CARMIL2: variants seen among roughly 807,000 people sequenced by gnomAD.
CARMIL2 encodes capping protein, Arp2/3 and myosin-I linker protein 2.
CARMIL2 carries 96 observed loss-of-function variants against 173.3 expected under a neutral mutation model. That is an observed-to-expected ratio of 0.55 (90% confidence interval 0.47 to 0.66). CARMIL2 has a LOEUF of 0.66. Among genes scored for constraint, CARMIL2 ranks in the 30% least tolerant of loss-of-function variants. The pLI is 0.00. For missense variants in CARMIL2, 1,771 were observed against 1,906.7 expected (o/e 0.93, Z 1.33); for synonymous variants, 830 against 817.1 (o/e 1.02, Z -0.27).
At position 67,649,748 on chromosome 16, in the gene CARMIL2, G is replaced by A; in HGVS notation, c.1920-58G>A. The A allele has an allele frequency of 6.3e-7, 1 of 1,586,666 alleles. No homozygotes were observed. The highest frequency in any genetic ancestry group is 8.6e-7 in the Non-Finnish European group (1 of 1,165,112). ...GCTGACGAGGCGAATGGACTAGGCC[G>A]AGGGTTGGGTGGGGCGTTGGGAAGC... On this transcript the variant is annotated intron_variant, in intron 20 of 37. Transcript: ENST00000334583. This position sits in a 1 kb window ranked among gnomAD's most constrained non-coding sequence, Gnocchi z 6.7.
chr16:67,647,867 C>T lies in CARMIL2; in HGVS notation c.980C>T (p.Ala327Val). The part of the protein sequence containing the change: ...TPRGMRALGR[A>V]LATNAAFDST... The stretch of plus-strand genomic sequence containing the variant: ...CCAGGAATGAGGGCTCTGGGCCGGG[C>T]ACTGGCCACCAATGCCGCCTTCGAC... The change falls in exon 13 of 38, where the codon GCA becomes GTA. Residue 327 changes from alanine to valine, a missense_variant. By Grantham distance (64) the Ala-to-Val change is moderately conservative. Transcript: ENST00000334583. 3 of 1,610,132 alleles carry T rather than the reference C, an allele frequency of 1.9e-6. No individual in the cohort carries two copies. The highest frequency in any genetic ancestry group is 1.7e-4 in the Middle Eastern group (1 of 6,010).
Position 67,653,139 on chromosome 16 carries a change from G to T in CARMIL2, c.3005G>T (p.Gly1002Val). The T allele has an allele frequency of 9.0e-7, 1 of 1,113,342 alleles. No homozygotes were observed. Among genetic ancestry groups the T allele is most frequent in the Non-Finnish European group, 1.1e-6 (1 of 912,586 alleles). 69.0% of individuals were successfully genotyped at this position (1,113,342 alleles called of 1,614,324 possible). The change falls in exon 29 of 38, where the codon GGC (glycine) becomes GTC (valine). Residue 1002 changes from glycine to valine, a missense_variant. Around this residue, in one of 3 missense-constraint regions of CARMIL2, gnomAD observed 817 missense variants for 903.5 expected, o/e 0.90. Transcript: ENST00000334583. This position sits in a 1 kb window ranked among gnomAD's most constrained non-coding sequence, Gnocchi z 7.4. The part of the protein sequence containing the change: ...PSPAAPGPPA[G>V]PLPRMDLPLA... ...CCTGCCGCCCCTGGGCCCCCGGCCG[G>T]CCCGCTGCCCCGCATGGACCTGCCA...
chr16:67,654,150 T>G lies in CARMIL2; in HGVS notation c.3122T>G (p.Val1041Gly), dbSNP rs1305055603. 6.5e-7 allele frequency: 1 copy of G among 1,535,198 alleles called. No individual in the cohort carries two copies. The highest frequency in any genetic ancestry group is 8.8e-7 in the Non-Finnish European group (1 of 1,142,164). ...HHRPPPGGPQVPPALPQEGNG... is the reference protein window; with the variant it reads ...HHRPPPGGPQGPPALPQEGNG... ...CCCTGACCCCATGATGCCCCCCAGG[T>G]ACCCCCAGCCTTGCCGCAGGAAGGG... Residue 1041 changes from valine to glycine, a missense_variant and splice_region_variant, in exon 30 of 38, where the codon GTA (valine) becomes GGA (glycine). Val to Gly is a moderately radical substitution (Grantham distance 109). Coordinates refer to ENST00000334583, the MANE Select transcript of CARMIL2 (RefSeq NM_001013838.3).
rs1020732695 is a variant in CARMIL2, at chr16:67,657,153, T to C, written c.4118-86T>C. The C allele has an allele frequency of 3.4e-6, 4 of 1,193,336 alleles. No individual in the cohort carries two copies. The highest frequency in any genetic ancestry group is 4.9e-6 in the Non-Finnish European group (4 of 819,620). 73.9% of individuals were successfully genotyped at this position (1,193,336 alleles called of 1,614,324 possible). A position where few individuals can be genotyped will look rare whatever the true frequency, so the allele number is the denominator to read the frequency against. The stretch of plus-strand genomic sequence containing the variant: ...AGCAGTGTGTGTGAGTGCATGCTTA[T>C]GTGCACTGGAGGTGGAAGAGAGGGG... On this transcript the variant is annotated intron_variant, in intron 36 of 37. Coordinates refer to ENST00000334583, the MANE Select transcript of CARMIL2 (RefSeq NM_001013838.3). This position sits in a 1 kb window ranked among gnomAD's most constrained non-coding sequence, Gnocchi z 4.5.
chr16:67,647,533 G>T lies in CARMIL2; in HGVS notation c.802G>T (p.Ala268Ser). The stretch of plus-strand genomic sequence containing the variant: ...AGACTTTGTCCGACGACTGGCCCAG[G>T]CGCTGGCGGGACACTCAAGCTCTGG... ...RGDFVRRLAQ[A>S]LAGHSSSGLR... The change falls in exon 11 of 38, where the codon GCG (alanine) becomes TCG (serine). Residue 268 changes from alanine (A) to serine (S), a missense_variant. Transcript: ENST00000334583. The T allele has an allele frequency of 6.2e-7, 1 of 1,609,184 alleles. No homozygotes were observed. Among genetic ancestry groups the T allele is most frequent in the South Asian group, 1.1e-5 (1 of 90,146 alleles).
chr16:67,657,324 G>A lies in CARMIL2; in HGVS notation c.4195+8G>A. 6.2e-7 allele frequency: 1 copy of A among 1,613,364 alleles called. No homozygotes were observed. The highest frequency in any genetic ancestry group is 1.1e-5 in the South Asian group (1 of 90,992). ...CTCCATCCCCAAGCCTAGGTAAGAG[G>A]GGGTCCAGGCCAGCTGGGAGGGTGG... On this transcript the variant is annotated splice_region_variant and intron_variant, in intron 37 of 37. Coordinates refer to ENST00000334583, the MANE Select transcript of CARMIL2 (RefSeq NM_001013838.3). This position sits in a 1 kb window ranked among gnomAD's most constrained non-coding sequence, Gnocchi z 4.5.
In CARMIL2 at chr16:67,651,237, C is replaced by T; in HGVS notation, c.2235C>T (p.Gly745=). The T allele has an allele frequency of 6.2e-7, 1 of 1,613,600 alleles. No homozygotes were observed. Among genetic ancestry groups the T allele is most frequent in the Non-Finnish European group, 8.5e-7 (1 of 1,179,850 alleles). ...TGCAGGAGCATGTGGAGCTGCTGGGCTGTGGGGCTGGGCCCCAGGGTGAAG... is the reference window on the plus strand; with the variant it reads ...TGCAGGAGCATGTGGAGCTGCTGGGTTGTGGGGCTGGGCCCCAGGGTGAAG... The part of the protein sequence containing the change: ...QSVQEHVELL[G]CGAGPQGEAA... Residue 745 remains glycine, a synonymous_variant, in exon 23 of 38, where the codon GGC becomes GGT. Transcript: ENST00000334583. The surrounding 1 kb of genome is among the most constrained non-coding windows in gnomAD (Gnocchi z 4.2).
chr16:67,648,929 G>C lies in CARMIL2; in HGVS notation c.1546G>C (p.Val516Leu), dbSNP rs762056084. ...CGGCGCCCAGGTGATACAAGACTTA[G>C]TGTGCGACGCAGGCGCTGTGAGCTC... The part of the protein sequence containing the change: ...SAGAQVIQDL[V>L]CDAGAVSSLD... The change falls in exon 17 of 38, where the codon GTG becomes CTG. Residue 516 changes from valine (V) to leucine (L), a missense_variant. Coordinates refer to ENST00000334583, the MANE Select transcript of CARMIL2 (RefSeq NM_001013838.3). The surrounding 1 kb of genome is among the most constrained non-coding windows in gnomAD (Gnocchi z 6.1). 1 of 1,609,592 alleles carries C rather than the reference G, an allele frequency of 6.2e-7. No homozygotes were observed. The highest frequency in any genetic ancestry group is 8.5e-7 in the Non-Finnish European group (1 of 1,178,314).
In CARMIL2 at chr16:67,646,522, G is replaced by A; in HGVS notation, c.466+5G>A. 6.2e-7 allele frequency: 1 copy of A among 1,612,400 alleles called. No homozygotes were observed. Among genetic ancestry groups the A allele is most frequent in the Non-Finnish European group, 8.5e-7 (1 of 1,179,374 alleles). On this transcript the variant is annotated splice_donor_5th_base_variant and intron_variant, in intron 6 of 37. Coordinates refer to ENST00000334583, the MANE Select transcript of CARMIL2 (RefSeq NM_001013838.3). This position sits in a 1 kb window ranked among gnomAD's most constrained non-coding sequence, Gnocchi z 4.6. ...CTGACCCCTGCAGCCCCTGTGGTAA[G>A]GGTGAAGGCAGAGCCACAGGCCTTC...
In CARMIL2 at chr16:67,646,601, T is replaced by C. The variant is rs2052598658; in HGVS notation, c.466+84T>C. 2 of 1,572,326 alleles carry C rather than the reference T, an allele frequency of 1.3e-6. No individual in the cohort carries two copies. The highest frequency in any genetic ancestry group is 1.7e-6 in the Non-Finnish European group (2 of 1,145,070). ...CCCGCAAGCTGGGGGGGCCCCAAAC[T>C]GAACAGAGCCATTCAGGTCCCAGCC... is the stretch of plus-strand genomic sequence containing the variant. On this transcript the variant is annotated intron_variant, in intron 6 of 37. Coordinates refer to ENST00000334583, the MANE Select transcript of CARMIL2 (RefSeq NM_001013838.3). The surrounding 1 kb of genome is among the most constrained non-coding windows in gnomAD (Gnocchi z 4.6).
chr16:67,646,160 G>T lies in CARMIL2; in HGVS notation c.250-26G>T. 1 of 1,613,730 alleles carries T rather than the reference G, an allele frequency of 6.2e-7. No homozygotes were observed. The highest frequency in any genetic ancestry group is 8.5e-7 in the Non-Finnish European group (1 of 1,179,808). The stretch of plus-strand genomic sequence containing the variant: ...ATCACCTGCGCCCATGTGTGGAGCC[G>T]AGGCCTAGTAGTGCCCCTTCCCTAG... On this transcript the variant is annotated intron_variant, in intron 4 of 37. Coordinates refer to ENST00000334583, the MANE Select transcript of CARMIL2 (RefSeq NM_001013838.3). The surrounding 1 kb of genome is among the most constrained non-coding windows in gnomAD (Gnocchi z 4.6).
Position 67,649,731 on chromosome 16 carries a change from G to C in CARMIL2, c.1920-75G>C. The C allele has an allele frequency of 1.3e-6, 2 of 1,573,930 alleles. No individual in the cohort carries two copies. Among genetic ancestry groups the C allele is most frequent in the Non-Finnish European group, 1.7e-6 (2 of 1,158,652 alleles). On this transcript the variant is annotated intron_variant, in intron 20 of 37. Coordinates refer to ENST00000334583, the MANE Select transcript of CARMIL2 (RefSeq NM_001013838.3). The surrounding 1 kb of genome is among the most constrained non-coding windows in gnomAD (Gnocchi z 6.7). ...CGGAGCAAATGGAGCAGGCTGACGA[G>C]GCGAATGGACTAGGCCGAGGGTTGG...
rs1169149799 is a variant in CARMIL2 at position 67,646,846 on chromosome 16, C to A, written c.538-54C>A. 2 of 1,612,450 alleles carry A rather than the reference C, an allele frequency of 1.2e-6. No homozygotes were observed. Among genetic ancestry groups the A allele is most frequent in the African/African-American group, 1.3e-5 (1 of 74,910 alleles). ...TCTGGTCCCCCATGTGTGCTGAGCC[C>A]CTCCCTGCCCCTTGTGGCCCCAGGC... On this transcript the variant is annotated intron_variant, in intron 7 of 37. Transcript: ENST00000334583. The surrounding 1 kb of genome is among the most constrained non-coding windows in gnomAD (Gnocchi z 4.6).
chr16:67,653,790 T>TG lies in CARMIL2; in HGVS notation c.3121-354dup, dbSNP rs1331081541. Reference sequence around the variant, plus strand: ...CAGGCCGGGTGGAGTGGGGGTGGGGTGGGGGACACTGCAGGGAACTGTTCG... The same window carrying TG: ...CAGGCCGGGTGGAGTGGGGGTGGGGTGGGGGGACACTGCAGGGAACTGTTCG... On this transcript the variant is annotated intron_variant, in intron 29 of 37. Coordinates refer to ENST00000334583, the MANE Select transcript of CARMIL2 (RefSeq NM_001013838.3). The surrounding 1 kb of genome is among the most constrained non-coding windows in gnomAD (Gnocchi z 7.4). 7.8e-6 allele frequency among the ~76,000 whole-genome samples: 1 copy of TG among 127,902 alleles called. No individual in the cohort carries two copies. The highest frequency in any genetic ancestry group is 1.7e-5 in the Non-Finnish European group (1 of 59,526). The allele number at this position is 127,902 out of a possible 152,430, so 83.9% of individuals were successfully genotyped here.
At chr16:67,647,072 C>T in intron 8 of CARMIL2, 44 bp from the exon 9 acceptor site, 4 of 1,609,746 alleles carry the variant, frequency 2.5e-6, no homozygotes, top group South Asian at 1.1e-5. Flanking sequence ...TGGGACCTGG[C>T]TGGAGGGCCC....
rs1827992190 is a variant in CARMIL2 at position 67,654,157 on chromosome 16, A to C, written c.3129A>C (p.Pro1043=). The C allele has an allele frequency of 6.7e-7, 1 of 1,491,854 alleles. No individual in the cohort carries two copies. Among genetic ancestry groups the C allele is most frequent in the African/African-American group, 1.6e-5 (1 of 63,630 alleles). 92.4% of individuals were successfully genotyped at this position (1,491,854 alleles called of 1,614,324 possible). A position where few individuals can be genotyped will look rare whatever the true frequency, so the allele number is the denominator to read the frequency against. The change falls in exon 30 of 38, where the codon CCA becomes CCC. Residue 1043 remains proline, a synonymous_variant. Transcript: ENST00000334583. ...RPPPGGPQVP[P]ALPQEGNGLS... Reference sequence around the variant, plus strand: ...CCCATGATGCCCCCCAGGTACCCCCAGCCTTGCCGCAGGAAGGGAATGGGC... The same window carrying C: ...CCCATGATGCCCCCCAGGTACCCCCCGCCTTGCCGCAGGAAGGGAATGGGC...
chr16:67,647,817 A>C, intron 12 of CARMIL2, 29 bp from the exon 13 acceptor site: 1 of 1,581,252 alleles, frequency 6.3e-7, no homozygotes, highest in Non-Finnish European at 8.6e-7. Flanking sequence ...GGTCTGTCCA[A>C]CTGCTGAGTG....
Position 67,652,239 on chromosome 16 carries a change from C to G in CARMIL2, c.2717C>G (p.Pro906Arg). Residue 906 changes from proline to arginine, a missense_variant, in exon 27 of 38, where the codon CCT becomes CGT. By Grantham distance (103) the Pro-to-Arg change is moderately radical. This residue lies in a region of CARMIL2 where 817 missense variants were observed against 903.5 expected (regional missense o/e 0.90). Coordinates refer to ENST00000334583, the MANE Select transcript of CARMIL2 (RefSeq NM_001013838.3). The surrounding 1 kb of genome is among the most constrained non-coding windows in gnomAD (Gnocchi z 4.7). ...LAQQATVTMP[P>R]ALPAPDGGEP... is the part of the protein sequence containing the mutation. ...CAGCAGGCAACAGTGACAATGCCCC[C>G]TGCCCTACCAGCACCGGATGGAGGT... 6.2e-7 allele frequency: 1 copy of G among 1,613,258 alleles called. No homozygotes were observed.
At position 67,657,347 on chromosome 16, in the gene CARMIL2, T is replaced by C. The variant is rs373943325; in HGVS notation, c.4195+31T>C. The stretch of plus-strand genomic sequence containing the variant: ...AGGGGGTCCAGGCCAGCTGGGAGGG[T>C]GGCAGGACTGCTTAGCCCAGCCCTG... On this transcript the variant is annotated intron_variant, in intron 37 of 37. Transcript: ENST00000334583. The surrounding 1 kb of genome is among the most constrained non-coding windows in gnomAD (Gnocchi z 4.5). The C allele has an allele frequency of 6.2e-6, 10 of 1,611,032 alleles. No individual in the cohort carries two copies. The African/African-American group carries it at 8.0e-5, about 13-fold the overall frequency.
Sources: allele counts gnomAD v4.1 joint callset (sites outside exome capture counted in the v4.1 genomes callset), GRCh38; gene constraint gnomAD v4.1.1; regional missense constraint gnomAD v4.1.1; non-coding constraint Gnocchi (gnomAD v3.1); transcripts MANE v1.5; gene names NCBI Gene and HGNC (gene_info 2026-07-23, HGNC 2026-07-21).